The following TAF4 variants were observed in gnomAD, a reference collection of about 807,000 sequenced individuals.
TAF4 encodes the protein TATA-box binding protein associated factor 4.
Under a neutral mutation model 90.3 loss-of-function variants are expected in TAF4, and 9 were observed. The ratio of observed to expected loss-of-function variants is 0.10; its 90% CI spans 0.06 to 0.17. The LOEUF (loss-of-function observed/expected upper bound fraction) is 0.17. Among genes scored for constraint, TAF4 ranks in the 10% least tolerant of loss-of-function variants. The pLI is 1.00. For missense variants in TAF4, 1,351 were observed against 1,370.7 expected, an observed-to-expected ratio of 0.99 and a Z score of 0.23; for synonymous variants, 818 against 638.9, an observed-to-expected ratio of 1.28 and a Z score of -4.23.
At chr20:61,997,761 T>C in intron 13 of TAF4, 92 bp from the exon 14 acceptor site, 1 of 1,418,152 alleles carries the variant, frequency 7.1e-7, no homozygotes, top group Non-Finnish European at 9.3e-7. Flanking sequence ...GGGTTTTCTG[T>C]AGTTTTCTAA....
At chr20:61,988,804 C>T (rs546778618) in intron 14 of TAF4, among the ~76,000 whole-genome samples, 12 of 152,270 alleles carry the variant, frequency 7.9e-5, no homozygotes, top group Admixed American at 5.2e-4. Flanking sequence ...CCGGCGTTCT[C>T]GATACTCCAC....
At chr20:62,022,383 T>C (rs151242428) in intron 1 of TAF4, among the ~76,000 whole-genome samples, 103 of 152,210 alleles carry the variant, frequency 6.8e-4, no homozygotes, top group South Asian at 1.9e-3. Flanking sequence ...GAGAGGAGCA[T>C]GGTCCTCAAG....
Position 62,006,552 on chromosome 20 carries a change from G to T in TAF4, c.2181C>A (p.Pro727=). 1 of 1,573,542 alleles carries T rather than the reference G, an allele frequency of 6.4e-7. No homozygotes were observed. Among genetic ancestry groups the T allele is most frequent in the Non-Finnish European group, 8.6e-7 (1 of 1,162,546 alleles). ...CCTGCTTGCCGACGCCGACCTGCGTGGGCTGCGTGAGGCTGAGCACAGGGG... is the reference window on the plus strand; with the variant it reads ...CCTGCTTGCCGACGCCGACCTGCGTTGGCTGCGTGAGGCTGAGCACAGGGG... ...LQPPVLSLTQ[P]TQVGVGKQGQ... Residue 727 remains proline, a synonymous_variant, in exon 7 of 15, where the codon CCC becomes CCA. Coordinates refer to ENST00000252996, the MANE Select transcript of TAF4 (RefSeq NM_003185.4). The surrounding 1 kb of genome is among the most constrained non-coding windows in gnomAD (Gnocchi z 7.0).
At chr20:62,004,496 TA>T (rs112963792) in intron 7 of TAF4, 4,402 of 150,090 alleles carry the variant, frequency 0.029, 168 homozygotes, top group African/African-American at 0.087. Context: ...CTAATTTTTG[TA>T]ATTTTTTTTT....
intron 14 of TAF4, among the ~76,000 whole-genome samples, chr20:61,977,293 C>G (rs559804251): frequency 1.2e-4 from 19 of 152,368 alleles, no homozygotes; most frequent in Admixed American, 6.5e-4. Flanking sequence ...CAACTCCCAA[C>G]AGCTGTCATT....
intron 1 of TAF4, among the ~76,000 whole-genome samples, chr20:62,023,763 A>G (rs1239149988): frequency 2.8e-5 from 4 of 144,214 alleles, no homozygotes; most frequent in South Asian, 2.1e-4. Flanking sequence ...AAAAAAAAAA[A>G]AAAAAAAGAA....
intron 1 of TAF4, among the ~76,000 whole-genome samples, chr20:62,062,138 T>C (rs2056092220): frequency 1.3e-5 from 2 of 152,234 alleles, no homozygotes; most frequent in African/African-American, 4.8e-5. Flanking sequence ...CCTCCTCAGT[T>C]TGCAAGACTG....
intron 1 of TAF4, among the ~76,000 whole-genome samples, chr20:62,063,799 C>T (rs1043856474): frequency 1.3e-5 from 2 of 152,252 alleles, no homozygotes; most frequent in African/African-American, 2.4e-5. Flanking sequence ...CTCAGCAAGG[C>T]TGCGCGCCGG....
intron 14 of TAF4, among the ~76,000 whole-genome samples, chr20:61,994,909 G>C (rs778479996): frequency 6.6e-6 from 1 of 152,164 alleles, no homozygotes; most frequent in African/African-American, 2.4e-5. Flanking sequence ...TTCCTTGTAC[G>C]TAAGGATCAC....
At chr20:61,995,085 T>C (rs192339052) in intron 14 of TAF4, among the ~76,000 whole-genome samples, 3 of 152,262 alleles carry the variant, frequency 2.0e-5, no homozygotes, top group East Asian at 1.9e-4. Flanking sequence ...AAACTCAAGA[T>C]GGTCAGCCAG....
intron 1 of TAF4, among the ~76,000 whole-genome samples, chr20:62,064,141 G>A (rs1010121018): frequency 1.3e-5 from 2 of 152,242 alleles, no homozygotes; most frequent in African/African-American, 4.8e-5. Flanking sequence ...TAGGGCGGGA[G>A]CAGGTAAGGA....
chr20:62,006,313 G>T lies in TAF4; in HGVS notation c.2223+197C>A. The T allele has an allele frequency of 1.3e-6, 1 of 741,658 alleles. No homozygotes were observed. The highest frequency in any genetic ancestry group is 1.9e-6 in the Non-Finnish European group (1 of 536,908). 45.9% of individuals were successfully genotyped at this position (741,658 alleles called of 1,614,324 possible). A position where few individuals can be genotyped will look rare whatever the true frequency, so the allele number is the denominator to read the frequency against. Reference sequence around the variant, plus strand: ...GCCAACTCAACTATTTCATTTTACTGAGACAAAATACAACATCCCAGGGCC... The same window carrying T: ...GCCAACTCAACTATTTCATTTTACTTAGACAAAATACAACATCCCAGGGCC... On this transcript the variant is annotated intron_variant, in intron 7 of 14. Transcript: ENST00000252996. This position sits in a 1 kb window ranked among gnomAD's most constrained non-coding sequence, Gnocchi z 7.0.
chr20:61,990,462 G>A (rs1043265287), intron 14 of TAF4, among the ~76,000 whole-genome samples: 12 of 152,120 alleles, frequency 7.9e-5, no homozygotes, highest in East Asian at 1.9e-4. Context: ...AAAAGCCAGC[G>A]GACAATCTTT....
intron 1 of TAF4, among the ~76,000 whole-genome samples, chr20:62,036,854 G>A (rs1024673776): frequency 5.3e-5 from 8 of 152,166 alleles, no homozygotes; most frequent in Non-Finnish European, 1.0e-4. Context: ...TAGCAGAAGC[G>A]GGGGGACTTT....
rs759055642 is a variant in TAF4 at position 62,014,722 on chromosome 20, G to A, written c.1361-15C>T. 1.4e-5 allele frequency: 23 copies of A among 1,611,636 alleles called. No homozygotes were observed. The South Asian group carries it at 2.2e-4, about 15-fold the overall frequency. On this transcript the variant is annotated splice_polypyrimidine_tract_variant and intron_variant, in intron 1 of 14. Transcript: ENST00000252996. ...GAGGACCATTCCTGCAGACAAAGGAGACCTGGCGTCAGGAACGCAACCACC... is the reference window on the plus strand; with the variant it reads ...GAGGACCATTCCTGCAGACAAAGGAAACCTGGCGTCAGGAACGCAACCACC...
At chr20:62,033,709 C>G (rs1026168129) in intron 1 of TAF4, among the ~76,000 whole-genome samples, 16 of 151,018 alleles carry the variant, frequency 1.1e-4, no homozygotes, top group African/African-American at 3.9e-4. Flanking sequence ...TGCACTCCAG[C>G]CTGGGCAACA....
At chr20:62,035,239 G>A (rs1414750181) in intron 1 of TAF4, among the ~76,000 whole-genome samples, 4 of 152,204 alleles carry the variant, frequency 2.6e-5, no homozygotes, top group Admixed American at 2.6e-4. Context: ...GAAGATCAAA[G>A]TGCCAAGAGT....
intron 1 of TAF4, among the ~76,000 whole-genome samples, chr20:62,035,637 C>T (rs540257786): frequency 9.2e-5 from 14 of 152,308 alleles, no homozygotes; most frequent in Non-Finnish European, 1.8e-4. Context: ...TTCCTATTAC[C>T]TTCGGGTTAG....
intron 14 of TAF4, among the ~76,000 whole-genome samples, chr20:61,984,859 C>T (rs548620794): frequency 3.2e-5 from 4 of 124,988 alleles, no homozygotes; most frequent in East Asian, 2.4e-4. Context: ...AATGGAGGGA[C>T]GGGGACAGGG....
Sources: allele counts gnomAD v4.1 joint callset (sites outside exome capture counted in the v4.1 genomes callset), GRCh38; gene constraint gnomAD v4.1.1; non-coding constraint Gnocchi (gnomAD v3.1); transcripts MANE v1.5; gene names NCBI Gene and HGNC (gene_info 2026-07-23, HGNC 2026-07-21).